The following GSG1L variants were observed in gnomAD, a reference collection of about 807,000 sequenced individuals.
GSG1L encodes germ cell-specific gene 1-like protein.
In GSG1L, 24 loss-of-function variants were observed where a neutral mutation model predicts 42.1. The observed-to-expected ratio is 0.57, with a 90% CI of 0.41 to 0.80. The LOEUF is 0.80. Among genes scored for constraint, GSG1L ranks in the 30% least tolerant of loss-of-function variants. The pLI is 0.00. For missense variants in GSG1L, 445 were observed against 472.2 expected (o/e 0.94, Z 0.53); for synonymous variants, 215 against 203.5 (o/e 1.06, Z -0.48).
At chr16:27,949,707 C>T (rs1347339854) in intron 2 of GSG1L, among the ~76,000 whole-genome samples, 3 of 152,244 alleles carry the variant, frequency 2.0e-5, no homozygotes, top group Admixed American at 6.5e-5. Context: ...GGGCGGATCA[C>T]GAGGTCAGGA....
At chr16:28,042,024 C>A (rs539997566) in intron 1 of GSG1L, among the ~76,000 whole-genome samples, 3 of 152,268 alleles carry the variant, frequency 2.0e-5, no homozygotes, top group South Asian at 4.1e-4. Flanking sequence ...GTTTTACATT[C>A]GCCATTTCTG....
chr16:27,795,587 C>T (rs1241703344), intron 6 of GSG1L, among the ~76,000 whole-genome samples: 1 of 152,212 alleles, frequency 6.6e-6, no homozygotes, highest in Non-Finnish European at 1.5e-5. Context: ...TCTGGAAGCA[C>T]TAGAAGCAGG....
intron 3 of GSG1L, among the ~76,000 whole-genome samples, chr16:27,875,942 A>G (rs2083882147): frequency 6.6e-6 from 1 of 152,144 alleles, no homozygotes; most frequent in African/African-American, 2.4e-5. Flanking sequence ...TCCTGATTAC[A>G]TGATCACCTG....
intron 1 of GSG1L, among the ~76,000 whole-genome samples, chr16:28,025,683 C>T (rs922266829): frequency 3.9e-5 from 6 of 152,198 alleles, no homozygotes; most frequent in Non-Finnish European, 5.9e-5. Context: ...AAGAGAGAGC[C>T]GGGCCTTTGC....
chr16:27,960,464 G>A (rs2085057223), intron 2 of GSG1L, among the ~76,000 whole-genome samples: 1 of 152,186 alleles, frequency 6.6e-6, no homozygotes, highest in Non-Finnish European at 1.5e-5. Flanking sequence ...ATGCCAGGAG[G>A]GATGTCCCAG....
At chr16:28,033,100 C>T (rs1403854323) in intron 1 of GSG1L, among the ~76,000 whole-genome samples, 2 of 152,222 alleles carry the variant, frequency 1.3e-5, no homozygotes, top group African/African-American at 4.8e-5. Context: ...CTCTCTCCTT[C>T]TACAATGGCC....
chr16:28,056,041 G>A (rs941707245), intron 1 of GSG1L, among the ~76,000 whole-genome samples: 10 of 152,146 alleles, frequency 6.6e-5, no homozygotes, highest in African/African-American at 1.2e-4. Context: ...TGACAGGCAC[G>A]GAGTAGAGAG....
intron 1 of GSG1L, among the ~76,000 whole-genome samples, chr16:27,964,252 C>G (rs1222962796): frequency 2.0e-5 from 3 of 151,374 alleles, no homozygotes; most frequent in Non-Finnish European, 4.4e-5. Flanking sequence ...ATTGCTTGAA[C>G]CTGGGAGGCA....
intron 1 of GSG1L, among the ~76,000 whole-genome samples, chr16:27,995,657 GT>G (rs1338414332): frequency 6.6e-6 from 1 of 152,068 alleles, no homozygotes; most frequent in Non-Finnish European, 1.5e-5. Flanking sequence ...AGAATGGAGA[GT>G]GGAATTCAGG....
chr16:27,824,503 A>G (rs930535310), intron 5 of GSG1L, among the ~76,000 whole-genome samples: 3 of 151,244 alleles, frequency 2.0e-5, no homozygotes, highest in Non-Finnish European at 2.9e-5. Context: ...CTGCAAACCT[A>G]TGCAGACATC....
intron 2 of GSG1L, among the ~76,000 whole-genome samples, chr16:27,888,440 CTT>C (rs879469285): frequency 0.022 from 521 of 23,888 alleles, 22 homozygotes; most frequent in Non-Finnish European, 0.058. Context: ...TTCTTTCTTT[CTT>C]TCTTTCTTTC....
At chr16:27,885,180 C>T (rs746130162) in intron 2 of GSG1L, among the ~76,000 whole-genome samples, 12 of 152,078 alleles carry the variant, frequency 7.9e-5, no homozygotes, top group Non-Finnish European at 1.8e-4. Context: ...GAAAGGGTCT[C>T]GCTCTGTCAC....
intron 1 of GSG1L, among the ~76,000 whole-genome samples, chr16:28,041,967 G>A (rs761371062): frequency 1.3e-5 from 2 of 152,294 alleles, no homozygotes; most frequent in South Asian, 2.1e-4. Context: ...AGTAAAACTG[G>A]GCAAAGACGT....
Position 27,987,274 on chromosome 16 carries a change from G to A in GSG1L, c.350-24071C>T, listed in dbSNP as rs1445888678. ...ATAAAATAAAATAGAAATGTCTTCA[G>A]AATTATCAGTATTAAATATAATGCA... On this transcript the variant is annotated intron_variant, in intron 1 of 6. Coordinates refer to ENST00000447459, the MANE Select transcript of GSG1L (RefSeq NM_001109763.2). Among the ~76,000 whole-genome samples the A allele has an allele frequency of 3.9e-5, 6 of 151,934 alleles. No individual in the cohort carries two copies. The East Asian group carries it at 9.7e-4, about 24-fold the overall frequency.
At chr16:27,824,764 G>C (rs2083189960) in intron 5 of GSG1L, among the ~76,000 whole-genome samples, 1 of 152,344 alleles carries the variant, frequency 6.6e-6, no homozygotes, top group East Asian at 1.9e-4. Context: ...GCAGCTTCTT[G>C]TTGATGGGGT....
intron 1 of GSG1L, among the ~76,000 whole-genome samples, chr16:27,981,760 C>T (rs2085329084): frequency 1.3e-5 from 2 of 152,160 alleles, no homozygotes; most frequent in Non-Finnish European, 2.9e-5. Flanking sequence ...GTTGCTTGGG[C>T]ATTTGGGGCA....
chr16:28,017,740 G>C (rs1282975111), intron 1 of GSG1L, among the ~76,000 whole-genome samples: 1 of 152,346 alleles, frequency 6.6e-6, no homozygotes, highest in East Asian at 1.9e-4. Flanking sequence ...ACAATGCGTA[G>C]AGTCTGCATG....
At chr16:27,809,518 C>T (rs536832683) in intron 5 of GSG1L, among the ~76,000 whole-genome samples, 6 of 151,778 alleles carry the variant, frequency 4.0e-5, no homozygotes, top group African/African-American at 1.5e-4. Context: ...ATCGAGGTTG[C>T]AGTGAGCTGT....
At chr16:27,793,928 A>C (rs1303750854) in intron 6 of GSG1L, among the ~76,000 whole-genome samples, 7 of 152,224 alleles carry the variant, frequency 4.6e-5, no homozygotes, top group Non-Finnish European at 1.0e-4. Context: ...CCAAGCAGGC[A>C]ATGTAAATGG....
Sources: allele counts gnomAD v4.1 joint callset (sites outside exome capture counted in the v4.1 genomes callset), GRCh38; gene constraint gnomAD v4.1.1; transcripts MANE v1.5; gene names NCBI Gene and HGNC (gene_info 2026-07-23, HGNC 2026-07-21).